MTF2: variants seen among roughly 807,000 people sequenced by gnomAD.
MTF2 encodes the protein metal-response element-binding transcription factor 2.
In MTF2, 11 loss-of-function variants were observed where a neutral mutation model predicts 79.5. That is an observed-to-expected ratio of 0.14 (90% CI 0.09 to 0.23). The LOEUF (loss-of-function observed/expected upper bound fraction) is 0.23. MTF2 is among the 10% of genes least tolerant of loss of function. The pLI is 1.00. For synonymous variants in MTF2, 208 were observed against 232.8 expected, an observed-to-expected ratio of 0.89 and a Z score of 0.97; for missense variants, 486 against 711.2, an observed-to-expected ratio of 0.68 and a Z score of 3.60.
intron 1 of MTF2, among the ~76,000 whole-genome samples, chr1:93,105,915 C>T (rs1655762640): frequency 6.6e-6 from 1 of 152,148 alleles, no homozygotes; most frequent in African/African-American, 2.4e-5. Context: ...ACCTCGTGAT[C>T]TGCCCGACCC....
intron 14 of MTF2, 113 bp downstream of exon 14, chr1:93,134,308 AT>A (rs1647283490): frequency 1.3e-6 from 1 of 756,386 alleles, no homozygotes; most frequent in African/African-American, 1.8e-5. Flanking sequence ...AGTTGTGTCT[AT>A]CAGCTTTTTG....
chr1:93,107,216 A>T (rs1252908952), intron 1 of MTF2, among the ~76,000 whole-genome samples: 1 of 152,014 alleles, frequency 6.6e-6, no homozygotes, highest in South Asian at 2.1e-4. Context: ...TCACTTAAGA[A>T]TGTTTTTTGT....
chr1:93,104,879 G>T (rs61800906), intron 1 of MTF2, among the ~76,000 whole-genome samples: 32,654 of 151,716 alleles, frequency 0.22, 4,717 homozygotes, highest in Non-Finnish European at 0.31. Flanking sequence ...ATTCTCGGCC[G>T]GGCGCGGTGG....
chr1:93,090,070 G>A (rs1048498109), intron 1 of MTF2, among the ~76,000 whole-genome samples: 4 of 151,946 alleles, frequency 2.6e-5, no homozygotes, highest in Non-Finnish European at 5.9e-5. Flanking sequence ...TCCGCCTCCC[G>A]AGTTCACGTC....
intron 10 of MTF2, 74 bp from the exon 11 acceptor site, chr1:93,129,204 G>A: frequency 9.2e-7 from 1 of 1,082,434 alleles, no homozygotes; most frequent in Non-Finnish European, 1.3e-6. Flanking sequence ...CCTTATATAT[G>A]AAAGTTAAGT....
chr1:93,082,725 C>T (rs896266481), intron 1 of MTF2, among the ~76,000 whole-genome samples: 5 of 152,090 alleles, frequency 3.3e-5, no homozygotes, highest in Admixed American at 3.3e-4. Flanking sequence ...AATTCACATG[C>T]ATTCTTTGAA....
intron 9 of MTF2, chr1:93,121,041 A>G: frequency 8.8e-6 from 9 of 1,023,700 alleles, no homozygotes; most frequent in Non-Finnish European, 1.1e-5. Flanking sequence ...AGATATAACC[A>G]ACATTCTTCC....
chr1:93,079,913 A>G (rs942141108), intron 1 of MTF2, among the ~76,000 whole-genome samples: 9 of 151,422 alleles, frequency 5.9e-5, no homozygotes, highest in Non-Finnish European at 1.3e-4. Flanking sequence ...CCGTTGGGAA[A>G]TGGGGGCTGA....
At chr1:93,096,842 G>T (rs539860935) in intron 1 of MTF2, among the ~76,000 whole-genome samples, 2 of 134,672 alleles carry the variant, frequency 1.5e-5, no homozygotes, top group Non-Finnish European at 3.1e-5. Context: ...ACAGGGTCTA[G>T]TTCAGCTTCC....
chr1:93,083,095 A>G (rs1654673636), intron 1 of MTF2, among the ~76,000 whole-genome samples: 1 of 152,238 alleles, frequency 6.6e-6, no homozygotes, highest in African/African-American at 2.4e-5. Context: ...TCCACAGGCC[A>G]TACAGGAAGC....
chr1:93,082,572 G>A (rs1483309842), intron 1 of MTF2, among the ~76,000 whole-genome samples: 1 of 152,108 alleles, frequency 6.6e-6, no homozygotes, highest in Non-Finnish European at 1.5e-5. Context: ...TTGAGCCACT[G>A]TGCCCAGCCC....
At chr1:93,122,145 AG>A (rs1160435692) in intron 9 of MTF2, among the ~76,000 whole-genome samples, 1 of 152,206 alleles carries the variant, frequency 6.6e-6, no homozygotes, top group Non-Finnish European at 1.5e-5. Context: ...TCAGAAAGTA[AG>A]GGGTAAGGCA....
chr1:93,124,816 G>T (rs963402420), intron 9 of MTF2, among the ~76,000 whole-genome samples: 1 of 151,756 alleles, frequency 6.6e-6, no homozygotes, highest in African/African-American at 2.4e-5. Context: ...TTAGTATCTG[G>T]AGAGGGGGGA....
rs1654500190 is a variant in MTF2 at position 93,079,419 on chromosome 1, G to A, written c.-108G>A. The A allele has an allele frequency of 3.5e-6, 5 of 1,411,702 alleles. No individual in the cohort carries two copies. The African/African-American group carries it at 4.2e-5, about 12-fold the overall frequency. 87.4% of individuals were successfully genotyped at this position (1,411,702 alleles called of 1,614,324 possible). ...GTGCGTGCATATGTGCCGGGTACCC[G>A]GTGGGGCGGGTGCCCAGTAAGTGCT... On this transcript the variant is annotated 5_prime_UTR_variant, in exon 1 of 15. Coordinates refer to ENST00000370298, the MANE Select transcript of MTF2 (RefSeq NM_007358.4).
At chr1:93,085,704 TC>T (rs1654808864) in intron 1 of MTF2, among the ~76,000 whole-genome samples, 1 of 152,010 alleles carries the variant, frequency 6.6e-6, no homozygotes, top group African/African-American at 2.4e-5. Context: ...CCCATGCTAT[TC>T]TTGAACTCCT....
Position 93,125,884 on chromosome 1 carries a change from G to A in MTF2, c.922-1348G>A, listed in dbSNP as rs559530331. On this transcript the variant is annotated intron_variant, in intron 9 of 14. Coordinates refer to ENST00000370298, the MANE Select transcript of MTF2 (RefSeq NM_007358.4). The stretch of plus-strand genomic sequence containing the variant: ...AAAGAGCTCTGGGGAGGAAGATTTT[G>A]CCTACTTATGGAATGGGCTTTTTTA... Among the ~76,000 whole-genome samples, 11 of 152,170 alleles carry A rather than the reference G, an allele frequency of 7.2e-5. No individual in the cohort carries two copies. In the East Asian group the frequency reaches 2.1e-3, roughly 29 times the overall value.
rs145203001 is a variant in MTF2 at position 93,115,707 on chromosome 1, T to C, written c.632+89T>C. 319 of 1,072,392 alleles carry C rather than the reference T, an allele frequency of 3.0e-4. 1 individual carries two copies. In the African/African-American group the frequency reaches 4.8e-3, roughly 16 times the overall value. 66.4% of individuals were successfully genotyped at this position (1,072,392 alleles called of 1,614,324 possible). The stretch of plus-strand genomic sequence containing the variant: ...ATTATGGTGTGTGAGTGATGGTGAA[T>C]TGCAACTGCATGAACACATCAGTGA... On this transcript the variant is annotated intron_variant, in intron 6 of 14. Coordinates refer to ENST00000370298, the MANE Select transcript of MTF2 (RefSeq NM_007358.4).
At chr1:93,091,560 A>G (rs886892273) in intron 1 of MTF2, among the ~76,000 whole-genome samples, 2 of 152,300 alleles carry the variant, frequency 1.3e-5, no homozygotes, top group Admixed American at 6.5e-5. Context: ...CTTACCTTTC[A>G]TGAACCATTA....
chr1:93,097,626 C>T (rs1655346117), intron 1 of MTF2, among the ~76,000 whole-genome samples: 1 of 152,096 alleles, frequency 6.6e-6, no homozygotes. Flanking sequence ...GAGATGGAGT[C>T]TCACTCTGTC....
Sources: gnomAD v4.1 joint callset for allele counts (sites outside exome capture counted in the v4.1 genomes callset) on GRCh38, gnomAD v4.1.1 for gene constraint, MANE v1.5 for transcripts, NCBI Gene and HGNC (gene_info 2026-07-23, HGNC 2026-07-21) for gene names.